The following USP54 variants were observed in gnomAD, a reference collection of about 807,000 sequenced individuals.
USP54 encodes ubiquitin carboxyl-terminal hydrolase 54.
A neutral mutation model predicts 170.5 loss-of-function variants in USP54; 87 were observed. That is an observed-to-expected ratio of 0.51 (90% CI 0.43 to 0.61). The LOEUF (loss-of-function observed/expected upper bound fraction) is 0.61, where lower values mean the gene tolerates loss of function less well. Ranked by LOEUF, USP54 falls within the 20% of genes least tolerant of loss-of-function variation. The pLI is 0.00. For missense variants in USP54, 1,786 were observed against 2,047.8 expected (o/e 0.87, Z 2.47); for synonymous variants, 655 against 742.8 (o/e 0.88, Z 1.92).
At chr10:73,624,192 A>ATATATATATG (rs1452923663) in intron 1 of USP54, among the ~76,000 whole-genome samples, 1 of 109,058 alleles carries the variant, frequency 9.2e-6, no homozygotes. Context: ...ATATATATAT[A>ATATATATATG]TATGTATTTT....
chr10:73,600,662 C>T (rs180758389), intron 1 of USP54, among the ~76,000 whole-genome samples: 66 of 152,316 alleles, frequency 4.3e-4, no homozygotes, highest in African/African-American at 1.4e-3. Context: ...GCCTATAATG[C>T]CAGCACTTCG....
chr10:73,526,887 G>A lies in USP54; in HGVS notation c.2061-107C>T, dbSNP rs2062973506. On this transcript the variant is annotated intron_variant, in intron 15 of 23. Transcript: ENST00000687698. The stretch of plus-strand genomic sequence containing the variant: ...AAAAAAAAATCAAACTACACAATTA[G>A]AGCTTCTGCTAAACTACTTCTGAAG... 3.1e-6 allele frequency: 4 copies of A among 1,296,632 alleles called. No homozygotes were observed. In the East Asian group the frequency reaches 9.9e-5, roughly 32 times the overall value. 80.3% of individuals were successfully genotyped at this position (1,296,632 alleles called of 1,614,324 possible).
At chr10:73,572,600 T>C (rs960113711) in intron 3 of USP54, among the ~76,000 whole-genome samples, 6 of 152,164 alleles carry the variant, frequency 3.9e-5, no homozygotes, top group Non-Finnish European at 8.8e-5. Flanking sequence ...TAACACCTTT[T>C]TATAACAAAT....
At chr10:73,599,950 G>A (rs1194951661) in intron 1 of USP54, among the ~76,000 whole-genome samples, 7 of 144,486 alleles carry the variant, frequency 4.8e-5, no homozygotes, top group African/African-American at 1.6e-4. Flanking sequence ...TGCCCAGGCT[G>A]GAGTGCAATG....
intron 10 of USP54, among the ~76,000 whole-genome samples, chr10:73,538,973 GCAGA>G (rs1018094641): frequency 9.2e-5 from 14 of 151,870 alleles, no homozygotes; most frequent in African/African-American, 3.1e-4. Context: ...AATTCAGTAG[GCAGA>G]CAGACATAAA....
intron 1 of USP54, among the ~76,000 whole-genome samples, chr10:73,614,303 T>C (rs1486994398): frequency 2.7e-5 from 4 of 150,300 alleles, no homozygotes; most frequent in Non-Finnish European, 5.9e-5. Context: ...CTGGTACCTG[T>C]AATCCCAGCA....
chr10:73,567,532 C>T (rs1368286475), intron 4 of USP54, among the ~76,000 whole-genome samples: 3 of 151,990 alleles, frequency 2.0e-5, no homozygotes, highest in Middle Eastern at 3.4e-3. Flanking sequence ...ATTAGCTGGG[C>T]GTGGTAGTGG....
intron 4 of USP54, among the ~76,000 whole-genome samples, chr10:73,559,883 T>C (rs926704779): frequency 6.6e-6 from 1 of 151,396 alleles, no homozygotes; most frequent in Non-Finnish European, 1.5e-5. Context: ...TTGGCCAACA[T>C]CGTGAAATCA....
chr10:73,536,742 T>C (rs2065284865), intron 10 of USP54, among the ~76,000 whole-genome samples: 1 of 152,230 alleles, frequency 6.6e-6, no homozygotes, highest in Admixed American at 6.5e-5. Context: ...AAGGTGGATA[T>C]GCTACGTGAG....
At chr10:73,529,610 C>A (rs538546581) in intron 15 of USP54, 70 bp downstream of exon 15, 1 of 1,577,120 alleles carries the variant, frequency 6.3e-7, no homozygotes, top group South Asian at 1.1e-5. Flanking sequence ...TCAGCCATGC[C>A]TGAAAGCCCC....
In USP54 at chr10:73,517,558, C is replaced by G. The variant is rs778227891; in HGVS notation, c.2868G>C (p.Leu956=). ...CAATGTTGTCTACTTCAACCGAAGT[C>G]AGAAGCTTCAAGGCAGATCTACTGG... ...SSPSRSALKL[L]TSVEVDNIEP... The change falls in exon 20 of 24, where the codon CTG becomes CTC. Residue 956 remains leucine (L), a synonymous_variant. Transcript: ENST00000687698. The G allele has an allele frequency of 3.7e-6, 6 of 1,614,100 alleles. No individual in the cohort carries two copies. The highest frequency in any genetic ancestry group is 1.3e-5 in the African/African-American group (1 of 74,926).
chr10:73,531,980 C>G (rs1660995893), intron 12 of USP54, among the ~76,000 whole-genome samples: 2 of 152,040 alleles, frequency 1.3e-5, no homozygotes, highest in South Asian at 4.1e-4. Flanking sequence ...GCATGGAGAG[C>G]TAACAAAAAT....
At position 73,543,162 on chromosome 10, in the gene USP54, A is replaced by G. The variant is rs371851170; in HGVS notation, c.376-31T>C. On this transcript the variant is annotated intron_variant, in intron 5 of 23. Transcript: ENST00000687698. ...AGGGAAAGAACAAAAGCAGTATACC[A>G]ACAATATTTAATAGACAAATACATA... The G allele has an allele frequency of 5.5e-6, 8 of 1,454,190 alleles. No homozygotes were observed. In the African/African-American group the frequency reaches 1.1e-4, roughly 20 times the overall value. 90.1% of individuals were successfully genotyped at this position (1,454,190 alleles called of 1,614,324 possible). A position where few individuals can be genotyped will look rare whatever the true frequency, so the allele number is the denominator to read the frequency against.
chr10:73,593,197 A>T (rs2078432940), upstream of USP54, among the ~76,000 whole-genome samples: 1 of 147,290 alleles, frequency 6.8e-6, no homozygotes, highest in Non-Finnish European at 1.5e-5. Context: ...CTTCTCTACA[A>T]AAAAAAAAAA....
At position 73,517,616 on chromosome 10, in the gene USP54, G is replaced by C; in HGVS notation, c.2810C>G (p.Ser937Cys). The C allele has an allele frequency of 6.2e-7, 1 of 1,614,226 alleles. No individual in the cohort carries two copies. Among genetic ancestry groups the C allele is most frequent in the Non-Finnish European group, 8.5e-7 (1 of 1,180,038 alleles). ...ASCHESHSSL[S>C]PESSAPQHSS... ...GTGCTGTGGGGCAGATGACTCTGGA[G>C]ATAGTGATGAGTGTGACTCATGGCA... The change falls in exon 20 of 24, where the codon TCT (serine) becomes TGT (cysteine). Residue 937 changes from serine to cysteine, a missense_variant. Ser to Cys is a moderately radical substitution (Grantham distance 112). Coordinates refer to ENST00000687698, the MANE Select transcript of USP54 (RefSeq NM_001391956.1).
chr10:73,606,505 A>C (rs2079642688), intron 1 of USP54: 2 of 152,136 alleles, frequency 1.3e-5, no homozygotes, highest in African/African-American at 2.4e-5. Context: ...AAACACTCTA[A>C]ATTCAAATTC....
At chr10:73,621,269 CAT>C (rs1378955041) in intron 1 of USP54, among the ~76,000 whole-genome samples, 1 of 149,172 alleles carries the variant, frequency 6.7e-6, no homozygotes, top group Non-Finnish European at 1.5e-5. Context: ...TATATAAAAA[CAT>C]GTGACACATA....
intron 1 of USP54, among the ~76,000 whole-genome samples, chr10:73,612,711 G>A (rs565048592): frequency 2.0e-5 from 3 of 151,746 alleles, no homozygotes; most frequent in Admixed American, 6.6e-5. Context: ...GCGTGGTGGT[G>A]CATGCCTGTA....
At chr10:73,521,562 G>C (rs1333549799) in intron 17 of USP54, among the ~76,000 whole-genome samples, 1 of 152,148 alleles carries the variant, frequency 6.6e-6, no homozygotes, top group Non-Finnish European at 1.5e-5. Context: ...CCAATTCACA[G>C]TCCTCTATGC....
Sources: allele counts gnomAD v4.1 joint callset (sites outside exome capture counted in the v4.1 genomes callset), GRCh38; gene constraint gnomAD v4.1.1; transcripts MANE v1.5; gene names NCBI Gene and HGNC (gene_info 2026-07-23, HGNC 2026-07-21).